Variants in SDK1 observed in about 807,000 individuals in gnomAD.
The protein encoded by SDK1 is sidekick cell adhesion molecule 1.
SDK1 carries 157 observed loss-of-function variants against 245.5 expected under a neutral mutation model. That is an observed-to-expected ratio of 0.64 (90% CI 0.56 to 0.73). The LOEUF is 0.73. SDK1 is among the 30% of genes least tolerant of loss of function. The probability of loss-of-function intolerance (pLI) is 0.00; values close to 1 mark genes in which losing one functional copy is unlikely to be tolerated. For missense variants in SDK1, 3,583 were observed against 3,002.3 expected (o/e 1.19, Z -4.52); for synonymous variants, 1,647 against 1,278.5 (o/e 1.29, Z -6.15).
chr7:3,988,953 G>C (rs1447911580), intron 14 of SDK1, among the ~76,000 whole-genome samples: 1 of 152,120 alleles, frequency 6.6e-6, no homozygotes, highest in African/African-American at 2.4e-5. Flanking sequence ...TGTATTTTTA[G>C]TAGATATTGG....
intron 22 of SDK1, among the ~76,000 whole-genome samples, chr7:4,104,355 C>A (rs1782770291): frequency 6.6e-6 from 1 of 152,238 alleles, no homozygotes; most frequent in Non-Finnish European, 1.5e-5. Context: ...GCCACTGAAC[C>A]TGGCCTAGAG....
rs147932254 is a variant in SDK1, at chr7:3,769,665, A to C, written c.714-51785A>C. On this transcript the variant is annotated intron_variant, in intron 4 of 44. Transcript: ENST00000404826. ...CAGGACCAGGATATGGACATTGATA[A>C]AATCTACCATGTCAGTGGGACTCCT... Among the ~76,000 whole-genome samples, 365 of 152,228 alleles carry C rather than the reference A, an allele frequency of 2.4e-3. 2 individuals are homozygous for C. The highest frequency in any genetic ancestry group is 8.1e-3 in the African/African-American group (335 of 41,538).
intron 40 of SDK1, among the ~76,000 whole-genome samples, chr7:4,225,667 C>A (rs1369831704): frequency 1.3e-5 from 2 of 152,128 alleles, no homozygotes; most frequent in East Asian, 1.9e-4. Context: ...ATTGGCGTGT[C>A]GGCGAGGGCT....
chr7:3,517,041 T>A (rs111626447), intron 1 of SDK1, among the ~76,000 whole-genome samples: 469 of 152,288 alleles, frequency 3.1e-3, no homozygotes, highest in African/African-American at 0.011. Context: ...AAGCAAACAT[T>A]CCTGATTTTT....
chr7:3,896,755 T>C (rs528896300), intron 5 of SDK1, among the ~76,000 whole-genome samples: 1 of 152,340 alleles, frequency 6.6e-6, no homozygotes, highest in Non-Finnish European at 1.5e-5. Flanking sequence ...GGGGAATAAA[T>C]CTGATTCCTG....
intron 17 of SDK1, among the ~76,000 whole-genome samples, chr7:4,024,780 C>T (rs923441551): frequency 6.6e-6 from 1 of 152,228 alleles, no homozygotes; most frequent in African/African-American, 2.4e-5. Flanking sequence ...CTGCTGGGCT[C>T]CCAAGCCCAG....
chr7:3,659,807 G>A (rs1457064573), intron 4 of SDK1, among the ~76,000 whole-genome samples: 4 of 152,344 alleles, frequency 2.6e-5, no homozygotes, highest in African/African-American at 9.6e-5. Flanking sequence ...CCCAGATGAA[G>A]ACAGGGTGGA....
chr7:4,133,021 C>G (rs932541888), intron 28 of SDK1, among the ~76,000 whole-genome samples: 2 of 152,144 alleles, frequency 1.3e-5, no homozygotes, highest in African/African-American at 4.8e-5. Flanking sequence ...TCTGAAATAT[C>G]AGGCTATGTT....
rs114368504 is a variant in SDK1, at chr7:3,776,808, T to C, written c.714-44642T>C. 3.9e-3 allele frequency among the ~76,000 whole-genome samples: 597 copies of C among 152,200 alleles called. 5 individuals carry two copies. Among genetic ancestry groups the C allele is most frequent in the African/African-American group, 0.014 (580 of 41,544 alleles). On this transcript the variant is annotated intron_variant, in intron 4 of 44. Coordinates refer to ENST00000404826, the MANE Select transcript of SDK1 (RefSeq NM_152744.4). The stretch of plus-strand genomic sequence containing the variant: ...ATCTAGAAAGGACATTTAACAGAGA[T>C]TGACCTTGGTTTTGTTACAGTGACC...
intron 1 of SDK1, among the ~76,000 whole-genome samples, chr7:3,532,762 G>A (rs1208792320): frequency 1.3e-5 from 2 of 152,084 alleles, no homozygotes; most frequent in Non-Finnish European, 2.9e-5. Flanking sequence ...CTCTGCATTC[G>A]AAGGGTGACT....
At chr7:3,889,647 A>G (rs1422996944) in intron 5 of SDK1, among the ~76,000 whole-genome samples, 1 of 152,122 alleles carries the variant, frequency 6.6e-6, no homozygotes, top group Non-Finnish European at 1.5e-5. Context: ...AGCTGGGACT[A>G]CAGGTGCCCG....
intron 1 of SDK1, among the ~76,000 whole-genome samples, chr7:3,473,794 G>A (rs116747441): frequency 2.0e-5 from 3 of 152,094 alleles, no homozygotes. Flanking sequence ...TTCAGGGAGT[G>A]TGATGAACAT....
intron 35 of SDK1, among the ~76,000 whole-genome samples, chr7:4,204,602 G>A (rs948437881): frequency 3.9e-5 from 6 of 152,214 alleles, no homozygotes; most frequent in African/African-American, 1.4e-4. Flanking sequence ...AGAGCCGGGT[G>A]CTGGGCCATC....
At chr7:3,438,722 A>C (rs948041442) in intron 1 of SDK1, among the ~76,000 whole-genome samples, 4 of 151,986 alleles carry the variant, frequency 2.6e-5, no homozygotes, top group Non-Finnish European at 4.4e-5. Flanking sequence ...GTAAACTCTT[A>C]ATCTTTCTGT....
intron 14 of SDK1, among the ~76,000 whole-genome samples, chr7:4,004,598 A>G (rs147366000): frequency 3.9e-4 from 59 of 152,328 alleles, no homozygotes; most frequent in Middle Eastern, 3.4e-3. Context: ...AGTACTAAAT[A>G]CACACAAAAA....
intron 1 of SDK1, among the ~76,000 whole-genome samples, chr7:3,440,891 T>C (rs1780174293): frequency 6.6e-6 from 1 of 152,200 alleles, no homozygotes. Flanking sequence ...ATGTTCCAAT[T>C]GACAGCAATG....
chr7:3,453,611 G>C (rs1038390340), intron 1 of SDK1, among the ~76,000 whole-genome samples: 2 of 152,194 alleles, frequency 1.3e-5, no homozygotes, highest in Non-Finnish European at 2.9e-5. Context: ...GCTGCCTACT[G>C]TAAGAGGCAA....
intron 1 of SDK1, among the ~76,000 whole-genome samples, chr7:3,346,805 G>GTATA: frequency 3.8e-5 from 2 of 52,368 alleles, no homozygotes; most frequent in African/African-American, 1.9e-4. Context: ...GTGTGTGTGT[G>GTATA]TGTATATATA....
At chr7:3,959,982 G>C (rs1393253543) in intron 8 of SDK1, among the ~76,000 whole-genome samples, 1 of 152,076 alleles carries the variant, frequency 6.6e-6, no homozygotes, top group Non-Finnish European at 1.5e-5. Context: ...GAAAAGCTGT[G>C]TTTGTATTCT....
Sources: allele counts gnomAD v4.1 joint callset (sites outside exome capture counted in the v4.1 genomes callset), GRCh38; gene constraint gnomAD v4.1.1; transcripts MANE v1.5; gene names NCBI Gene and HGNC (gene_info 2026-07-23, HGNC 2026-07-21).